LHFPL6: variants seen among roughly 807,000 people sequenced by gnomAD.
LHFPL6 encodes LHFPL tetraspan subfamily member 6.
In LHFPL6, 9 loss-of-function variants were observed where a neutral mutation model predicts 20.6. The observed-to-expected ratio is 0.44, with a 90% confidence interval of 0.26 to 0.76. The LOEUF (loss-of-function observed/expected upper bound fraction) is 0.76, where lower values mean the gene tolerates loss of function less well. Among genes scored for constraint, LHFPL6 ranks in the 30% least tolerant of loss-of-function variants. LHFPL6 has a pLI of 0.20. For synonymous variants in LHFPL6, 105 were observed against 98.7 expected (o/e 1.06, Z -0.38); for missense variants, 218 against 253.5 (o/e 0.86, Z 0.95).
At chr13:39,554,409 G>T (rs1269728267) in intron 2 of LHFPL6, among the ~76,000 whole-genome samples, 1 of 152,144 alleles carries the variant, frequency 6.6e-6, no homozygotes, top group Non-Finnish European at 1.5e-5. Flanking sequence ...TAAAATGCAT[G>T]TCAGGACATA....
intron 2 of LHFPL6, among the ~76,000 whole-genome samples, chr13:39,594,765 CA>C: frequency 6.6e-6 from 1 of 152,320 alleles, no homozygotes; most frequent in Admixed American, 6.5e-5. Context: ...GGCACATATA[CA>C]CCATGGAATA....
In LHFPL6 at chr13:39,499,519, T is replaced by A. The variant is rs146096263; in HGVS notation, c.385+101313A>T. On this transcript the variant is annotated intron_variant, in intron 2 of 3. Coordinates refer to ENST00000379589, the MANE Select transcript of LHFPL6 (RefSeq NM_005780.3). Reference sequence around the variant, plus strand: ...TCCTATTTAAAACAGAACCAGCCCATGCCCACTCTCAGTCCACGAGGTCCA... The same window carrying A: ...TCCTATTTAAAACAGAACCAGCCCAAGCCCACTCTCAGTCCACGAGGTCCA... Among the ~76,000 whole-genome samples, 5 of 152,290 alleles carry A rather than the reference T, an allele frequency of 3.3e-5. No homozygotes were observed. In the South Asian group the frequency reaches 1.0e-3, roughly 32 times the overall value.
chr13:39,528,565 C>T lies in LHFPL6; in HGVS notation c.385+72267G>A, dbSNP rs545141529. On this transcript the variant is annotated intron_variant, in intron 2 of 3. Transcript: ENST00000379589. ...AGTGTCCCTGTGAATGCTTGCTCAC[C>T]ATAGTGCCACTTTTACAAATAAACT... 2.6e-5 allele frequency among the ~76,000 whole-genome samples: 4 copies of T among 152,306 alleles called. No individual in the cohort carries two copies. In the South Asian group the frequency reaches 8.3e-4, roughly 32 times the overall value.
At chr13:39,555,646 A>G (rs1312391510) in intron 2 of LHFPL6, among the ~76,000 whole-genome samples, 1 of 152,238 alleles carries the variant, frequency 6.6e-6, no homozygotes, top group African/African-American at 2.4e-5. Context: ...GATATTTAGT[A>G]ACAAAAATTT....
At chr13:39,406,054 T>C (rs1286904483) in intron 2 of LHFPL6, among the ~76,000 whole-genome samples, 1 of 152,184 alleles carries the variant, frequency 6.6e-6, no homozygotes, top group Non-Finnish European at 1.5e-5. Context: ...GAGTTCGGGA[T>C]GAATGAGAAA....
chr13:39,484,445 A>G (rs1332297423), intron 2 of LHFPL6, among the ~76,000 whole-genome samples: 1 of 152,140 alleles, frequency 6.6e-6, no homozygotes, highest in East Asian at 1.9e-4. Context: ...CTTTTTTTCA[A>G]TAAACATGAT....
intron 2 of LHFPL6, among the ~76,000 whole-genome samples, chr13:39,421,389 C>T (rs1871480140): frequency 6.6e-6 from 1 of 152,110 alleles, no homozygotes; most frequent in Non-Finnish European, 1.5e-5. Flanking sequence ...CATAACACAA[C>T]AAACACACAC....
At position 39,600,977 on chromosome 13, in the gene LHFPL6, T is replaced by C; in HGVS notation, c.240A>G (p.Ala80=). Residue 80 remains alanine (A), a synonymous_variant, in exon 2 of 4, where the codon GCA becomes GCG. Transcript: ENST00000379589. The part of the protein sequence containing the change: ...RYASFQGIPS[A]EWRICTIVTG... ...TCACTATGGTGCAGATCCTCCATTC[T>C]GCGCTGGGGATGCCCTGGAAGGAGG... 1.2e-6 allele frequency: 2 copies of C among 1,613,584 alleles called. No homozygotes were observed. Among genetic ancestry groups the C allele is most frequent in the Non-Finnish European group, 1.7e-6 (2 of 1,179,650 alleles).
At chr13:39,490,597 A>G (rs1358344044) in intron 2 of LHFPL6, among the ~76,000 whole-genome samples, 1 of 152,242 alleles carries the variant, frequency 6.6e-6, no homozygotes, top group Non-Finnish European at 1.5e-5. Flanking sequence ...CTAATGCTAC[A>G]TCTGTGGCCA....
intron 2 of LHFPL6, among the ~76,000 whole-genome samples, chr13:39,569,320 T>C (rs897300010): frequency 3.3e-5 from 5 of 152,172 alleles, no homozygotes; most frequent in African/African-American, 1.2e-4. Flanking sequence ...AGTTCATAAA[T>C]GTAAGGGATC....
chr13:39,486,924 C>T (rs1484651182), intron 2 of LHFPL6, among the ~76,000 whole-genome samples: 1 of 152,198 alleles, frequency 6.6e-6, no homozygotes, highest in Non-Finnish European at 1.5e-5. Flanking sequence ...TTCAATGGTA[C>T]TTAATCAGCA....
At chr13:39,524,755 G>C (rs1870235243) in intron 2 of LHFPL6, among the ~76,000 whole-genome samples, 1 of 152,134 alleles carries the variant, frequency 6.6e-6, no homozygotes, top group Non-Finnish European at 1.5e-5. Context: ...TGCTATTACA[G>C]AATTTACAGG....
At chr13:39,582,214 G>A (rs1282074819) in intron 2 of LHFPL6, among the ~76,000 whole-genome samples, 1 of 152,168 alleles carries the variant, frequency 6.6e-6, no homozygotes, top group Admixed American at 6.5e-5. Context: ...TGCTACTGAT[G>A]CATAATCTCA....
chr13:39,378,408 C>T lies in LHFPL6; in HGVS notation c.484+20G>A, dbSNP rs1870350128. 3 of 1,593,696 alleles carry T rather than the reference C, an allele frequency of 1.9e-6. No individual in the cohort carries two copies. Among genetic ancestry groups the T allele is most frequent in the African/African-American group, 2.7e-5 (2 of 74,616 alleles). ...AAGGTTCTTTTTCTAAAAGGAGTGC[C>T]ATCCATGAAGAAAGCTTACCCAGGT... On this transcript the variant is annotated intron_variant, in intron 3 of 3. Transcript: ENST00000379589.
chr13:39,574,257 C>T lies in LHFPL6; in HGVS notation c.385+26575G>A, dbSNP rs903092158. ...CAGCACTTTGGGAGGCCGAGGCGGGCGGATCACAAGGTCAGGAGAACAAGA... is the reference window on the plus strand; with the variant it reads ...CAGCACTTTGGGAGGCCGAGGCGGGTGGATCACAAGGTCAGGAGAACAAGA... On this transcript the variant is annotated intron_variant, in intron 2 of 3. Transcript: ENST00000379589. 2.8e-4 allele frequency among the ~76,000 whole-genome samples: 43 copies of T among 151,958 alleles called. 2 individuals carry two copies. The highest frequency in any genetic ancestry group is 1.2e-3 in the Admixed American group (18 of 15,264).
At chr13:39,507,403 C>T (rs1042035143) in intron 2 of LHFPL6, among the ~76,000 whole-genome samples, 1 of 152,278 alleles carries the variant, frequency 6.6e-6, no homozygotes, top group East Asian at 1.9e-4. Context: ...ATTCTTGCTG[C>T]TTCTCTCTAC....
intron 2 of LHFPL6, among the ~76,000 whole-genome samples, chr13:39,524,150 T>A (rs140122363): frequency 6.6e-6 from 1 of 152,108 alleles, no homozygotes; most frequent in South Asian, 2.1e-4. Context: ...CTAAGGGACA[T>A]AGGAATGCCA....
chr13:39,379,017 CA>C (rs1870368820), intron 2 of LHFPL6, among the ~76,000 whole-genome samples: 1 of 152,126 alleles, frequency 6.6e-6, no homozygotes, highest in Non-Finnish European at 1.5e-5. Context: ...ATGGCCTCAG[CA>C]CATTCATCAA....
At chr13:39,571,673 G>A (rs1339621178) in intron 2 of LHFPL6, among the ~76,000 whole-genome samples, 1 of 152,246 alleles carries the variant, frequency 6.6e-6, no homozygotes, top group Non-Finnish European at 1.5e-5. Flanking sequence ...GCCCTTGACG[G>A]CGGAGGGCAG....
Sources: gnomAD v4.1 joint callset for allele counts (sites outside exome capture counted in the v4.1 genomes callset) on GRCh38, gnomAD v4.1.1 for gene constraint, MANE v1.5 for transcripts, NCBI Gene and HGNC (gene_info 2026-07-23, HGNC 2026-07-21) for gene names.